Variants in CPVL observed in about 807,000 individuals in gnomAD.
The protein encoded by CPVL is probable serine carboxypeptidase CPVL.
CPVL carries 51 observed loss-of-function variants against 63.7 expected under a neutral mutation model. The observed-to-expected ratio is 0.80, with a 90% CI of 0.64 to 1.01. The LOEUF is 1.01. Among genes scored for constraint, CPVL ranks in the 50% least tolerant of loss-of-function variants. The pLI is 0.00. For synonymous variants in CPVL, 195 were observed against 206.0 expected (o/e 0.95, Z 0.46); for missense variants, 530 against 573.1 (o/e 0.92, Z 0.77).
intron 7 of CPVL, among the ~76,000 whole-genome samples, 191 bp from the exon 8 acceptor site, chr7:29,072,614 T>C (rs1290785787): frequency 1.3e-5 from 2 of 152,184 alleles, no homozygotes; most frequent in Non-Finnish European, 2.9e-5. Context: ...TCGTCTCAAA[T>C]AGCACCACAT....
intron 3 of CPVL, among the ~76,000 whole-genome samples, chr7:29,107,843 G>A (rs1041092047): frequency 6.6e-6 from 1 of 152,218 alleles, no homozygotes; most frequent in Non-Finnish European, 1.5e-5. Context: ...AGTGTACATG[G>A]CACCATGCTG....
intron 3 of CPVL, among the ~76,000 whole-genome samples, chr7:29,108,333 A>G (rs1402443203): frequency 6.6e-6 from 1 of 152,232 alleles, no homozygotes; most frequent in African/African-American, 2.4e-5. Flanking sequence ...TACATCTATA[A>G]GGCAAAGTCC....
chr7:29,155,946 G>A (rs1023002650), intron 5 of CPVL, among the ~76,000 whole-genome samples: 3 of 152,194 alleles, frequency 2.0e-5, no homozygotes, highest in Admixed American at 6.5e-5. Flanking sequence ...AGACGGCCAC[G>A]TGCTCTTGCA....
intron 11 of CPVL, among the ~76,000 whole-genome samples, chr7:29,037,845 T>G (rs1788700382): frequency 6.6e-6 from 1 of 152,158 alleles, no homozygotes; most frequent in African/African-American, 2.4e-5. Flanking sequence ...CCGCAAGACC[T>G]GTGCTCACTG....
intron 5 of CPVL, among the ~76,000 whole-genome samples, chr7:29,094,096 T>C (rs1044748254): frequency 2.6e-5 from 4 of 152,154 alleles, no homozygotes; most frequent in Non-Finnish European, 4.4e-5. Context: ...ATCCCAGCAC[T>C]TTGGGAGGCT....
chr7:29,127,346 T>C (rs1790141313), intron 1 of CPVL: 1 of 152,212 alleles, frequency 6.6e-6, no homozygotes, highest in South Asian at 2.1e-4. Context: ...TACCAATTAC[T>C]GAATGCTTAC....
At chr7:29,118,838 T>C (rs769171588) in intron 2 of CPVL, among the ~76,000 whole-genome samples, 1 of 152,196 alleles carries the variant, frequency 6.6e-6, no homozygotes, top group Admixed American at 6.5e-5. Context: ...ACCTGCCAGC[T>C]TCACAGGCAC....
upstream of CPVL, chr7:29,146,744 A>T (rs1394879343): frequency 1.3e-6 from 2 of 1,550,244 alleles, no homozygotes; most frequent in Non-Finnish European, 1.7e-6. Context: ...GGTGCCATTC[A>T]GGTTGGTTTG....
chr7:29,128,183 T>TG (rs1038988108), intron 1 of CPVL: 7 of 150,740 alleles, frequency 4.6e-5, no homozygotes, highest in African/African-American at 1.7e-4. Context: ...GAGTTTTTTT[T>TG]TTTTTTTTTT....
chr7:29,069,877 C>T (rs1286244691), intron 9 of CPVL, among the ~76,000 whole-genome samples: 3 of 149,284 alleles, frequency 2.0e-5, no homozygotes, highest in African/African-American at 7.5e-5. Flanking sequence ...GAGTACTCTC[C>T]AGCTCTGAGT....
At chr7:29,058,721 C>G (rs1419376801) in intron 11 of CPVL, among the ~76,000 whole-genome samples, 3 of 152,072 alleles carry the variant, frequency 2.0e-5, no homozygotes, top group Non-Finnish European at 4.4e-5. Flanking sequence ...TCACTCCATG[C>G]TCTTCTTGTT....
chr7:29,191,709 A>G (rs1782918920), intron 1 of CPVL: 3 of 152,394 alleles, frequency 2.0e-5, no homozygotes, highest in South Asian at 2.1e-4. Flanking sequence ...TTTCCAAACA[A>G]TTAAGATTTC....
rs180961939 is a variant in CPVL, at chr7:29,159,800, T to C, written c.-11+21490A>G. ...TTACTATGTAATTCACTCATTCTTA[T>C]GCTAGAAAATAAGCCATGAAAACAG... On this transcript the variant is annotated intron_variant, in intron 5 of 16. Transcript: ENST00000409850. Among the ~76,000 whole-genome samples, 211 of 152,322 alleles carry C rather than the reference T, an allele frequency of 1.4e-3. 2 individuals are homozygous for C. The highest frequency in any genetic ancestry group is 2.3e-3 in the Non-Finnish European group (159 of 68,032).
chr7:28,997,979 A>G (rs1784254879), intron 12 of CPVL, among the ~76,000 whole-genome samples: 1 of 152,194 alleles, frequency 6.6e-6, no homozygotes, highest in Non-Finnish European at 1.5e-5. Flanking sequence ...CCTCACTGCA[A>G]TGACTGTGAA....
chr7:29,194,660 GC>G, intron 1 of CPVL: 1 of 338,688 alleles, frequency 3.0e-6, no homozygotes, highest in Non-Finnish European at 5.3e-6. Flanking sequence ...CGTCCCGGCT[GC>G]CCCTCGGCCT....
intron 7 of CPVL, among the ~76,000 whole-genome samples, chr7:29,078,898 A>T (rs1199657413): frequency 6.6e-6 from 1 of 152,230 alleles, no homozygotes; most frequent in Non-Finnish European, 1.5e-5. Context: ...TTTTCAATTC[A>T]AAAAGAAAAT....
intron 9 of CPVL, among the ~76,000 whole-genome samples, chr7:29,067,007 G>C (rs1783200753): frequency 6.6e-6 from 1 of 152,238 alleles, no homozygotes; most frequent in Non-Finnish European, 1.5e-5. Flanking sequence ...GAGGGGGTTA[G>C]AGATAGTGGA....
At chr7:29,095,971 A>G in intron 4 of CPVL, 132 bp downstream of exon 4, 1 of 770,020 alleles carries the variant, frequency 1.3e-6, no homozygotes, top group South Asian at 1.6e-5. Context: ...TATTGCCAGA[A>G]AGTTGTGTTT....
At chr7:28,996,088 A>G in intron 12 of CPVL, 2 of 482,232 alleles carry the variant, frequency 4.1e-6, no homozygotes, top group Non-Finnish European at 7.2e-6. Flanking sequence ...TTTAAAGCTT[A>G]GTTAATTTTA....
Sources: allele counts gnomAD v4.1 joint callset (sites outside exome capture counted in the v4.1 genomes callset), GRCh38; gene constraint gnomAD v4.1.1; transcripts MANE v1.5; gene names NCBI Gene and HGNC (gene_info 2026-07-23, HGNC 2026-07-21).